The following TBC1D13 variants were observed in gnomAD, a reference collection of about 807,000 sequenced individuals.
The protein encoded by TBC1D13 is TBC1 domain family member 13, also known as epididymis secretory sperm binding protein.
Under a neutral mutation model 53.6 loss-of-function variants are expected in TBC1D13, and 40 were observed. The ratio of observed to expected loss-of-function variants is 0.75; its 90% CI spans 0.58 to 0.97. The LOEUF (loss-of-function observed/expected upper bound fraction) is 0.97. TBC1D13 is among the 50% of genes least tolerant of loss of function. TBC1D13 has a pLI of 0.00. For missense variants in TBC1D13, 377 were observed against 499.4 expected (o/e 0.75, Z 2.34); for synonymous variants, 182 against 197.7 (o/e 0.92, Z 0.67).
intron 11 of TBC1D13, among the ~76,000 whole-genome samples, chr9:128,807,584 C>T (rs1313120158): frequency 2.0e-5 from 3 of 152,164 alleles, no homozygotes; most frequent in Non-Finnish European, 4.4e-5. Context: ...AGGAAAGGGC[C>T]GCAAGAGCCT....
intron 9 of TBC1D13, among the ~76,000 whole-genome samples, chr9:128,804,644 C>T (rs1199159998): frequency 3.3e-5 from 5 of 150,694 alleles, no homozygotes; most frequent in Non-Finnish European, 7.4e-5. Flanking sequence ...CTCCTGACCT[C>T]GTAATCCACC....
chr9:128,797,764 C>T (rs1348926275), intron 7 of TBC1D13, among the ~76,000 whole-genome samples: 2 of 152,166 alleles, frequency 1.3e-5, no homozygotes, highest in Admixed American at 6.5e-5. Context: ...CATCACACTA[C>T]TGCCCTCCAG....
intron 7 of TBC1D13, among the ~76,000 whole-genome samples, chr9:128,799,043 G>A (rs1195052556): frequency 6.6e-6 from 1 of 152,158 alleles, no homozygotes; most frequent in African/African-American, 2.4e-5. Context: ...GCTCTGACAG[G>A]CAGGGGCAGA....
intron 7 of TBC1D13, among the ~76,000 whole-genome samples, chr9:128,798,056 T>C (rs905034115): frequency 2.6e-5 from 4 of 151,348 alleles, no homozygotes; most frequent in African/African-American, 9.7e-5. Context: ...AGTTCAAGAC[T>C]AGCCTGGCCA....
chr9:128,801,456 G>A (rs1000713701), intron 7 of TBC1D13, among the ~76,000 whole-genome samples: 1 of 152,006 alleles, frequency 6.6e-6, no homozygotes, highest in Non-Finnish European at 1.5e-5. Context: ...GAGGCGGGCG[G>A]ATCACGAGGC....
intron 6 of TBC1D13, among the ~76,000 whole-genome samples, chr9:128,795,514 G>A (rs1829614488): frequency 8.9e-6 from 1 of 112,928 alleles, no homozygotes; most frequent in African/African-American, 3.5e-5. Flanking sequence ...AGGCTGGAGT[G>A]CGGTGGCACG....
chr9:128,795,374 G>C (rs1246104233), intron 6 of TBC1D13, among the ~76,000 whole-genome samples: 1 of 147,146 alleles, frequency 6.8e-6, no homozygotes, highest in Non-Finnish European at 1.5e-5. Flanking sequence ...CACCACACCT[G>C]GCTAATTTTT....
In TBC1D13 at chr9:128,792,782, G is replaced by C. The variant is rs373498642; in HGVS notation, c.383+208G>C. Among the ~76,000 whole-genome samples the C allele has an allele frequency of 4.1e-3, 620 of 152,272 alleles. 9 individuals are homozygous for C. The highest frequency in any genetic ancestry group is 0.014 in the African/African-American group (582 of 41,556). ...ATTCTGTGCTTGCATGTACCTGGCTGTTCTTATCTGAGCTGTAGTTTCATT... is the reference window on the plus strand; with the variant it reads ...ATTCTGTGCTTGCATGTACCTGGCTCTTCTTATCTGAGCTGTAGTTTCATT... On this transcript the variant is annotated intron_variant, in intron 6 of 11. Transcript: ENST00000372648.
chr9:128,791,458 G>A lies in TBC1D13; in HGVS notation c.200+17G>A. On this transcript the variant is annotated intron_variant, in intron 4 of 11. Coordinates refer to ENST00000372648, the MANE Select transcript of TBC1D13 (RefSeq NM_018201.5). Reference sequence around the variant, plus strand: ...CAAGCAGAGGTGAGACCCCGTGTAAGGGCAGTGACAGGAGGGCCCTTGCAT... The same window carrying A: ...CAAGCAGAGGTGAGACCCCGTGTAAAGGCAGTGACAGGAGGGCCCTTGCAT... 6.2e-7 allele frequency: 1 copy of A among 1,614,008 alleles called. No individual in the cohort carries two copies.
Position 128,808,163 on chromosome 9 carries a change from G to T in TBC1D13, c.*284G>T. 1 of 433,562 alleles carries T rather than the reference G, an allele frequency of 2.3e-6. No homozygotes were observed. The highest frequency in any genetic ancestry group is 4.3e-6 in the Non-Finnish European group (1 of 232,946). 26.9% of individuals were successfully genotyped at this position (433,562 alleles called of 1,614,324 possible). ...CCAGGGCCGTTTCTGGCACTGGGAG[G>T]CTGGCAGGGGCCCCTCCCTGCCTCG... On this transcript the variant is annotated 3_prime_UTR_variant, in exon 12 of 12. Coordinates refer to ENST00000372648, the MANE Select transcript of TBC1D13 (RefSeq NM_018201.5).
intron 7 of TBC1D13, among the ~76,000 whole-genome samples, chr9:128,801,672 C>CT (rs1176482519): frequency 6.6e-6 from 1 of 152,036 alleles, no homozygotes; most frequent in Admixed American, 6.6e-5. Context: ...GAGCAAGACT[C>CT]TGTCTCAGGG....
chr9:128,794,908 C>T (rs940103519), intron 6 of TBC1D13, among the ~76,000 whole-genome samples: 2 of 151,722 alleles, frequency 1.3e-5, no homozygotes, highest in South Asian at 2.1e-4. Flanking sequence ...ACATTCTAGA[C>T]ACCATCTCCC....
In TBC1D13 at chr9:128,806,373, C is replaced by T. The variant is rs1207497253; in HGVS notation, c.1137+62C>T. Reference sequence around the variant, plus strand: ...GAGGCTGGCACTCGCCAGGCACCTGCCCACGCCAGCTGCTGCGACAGGCTG... The same window carrying T: ...GAGGCTGGCACTCGCCAGGCACCTGTCCACGCCAGCTGCTGCGACAGGCTG... On this transcript the variant is annotated intron_variant, in intron 11 of 11. Transcript: ENST00000372648. The T allele has an allele frequency of 4.4e-6, 7 of 1,589,286 alleles. No homozygotes were observed. In the African/African-American group the frequency reaches 9.4e-5, roughly 21 times the overall value.
chr9:128,796,763 C>T (rs531218845), intron 6 of TBC1D13, among the ~76,000 whole-genome samples: 4 of 151,952 alleles, frequency 2.6e-5, no homozygotes, highest in East Asian at 4.0e-4. Context: ...CATGGTGAAA[C>T]TCCATCTCTA....
Position 128,806,317 on chromosome 9 carries a change from G to A in TBC1D13, c.1137+6G>A. The stretch of plus-strand genomic sequence containing the variant: ...TGAATATGCGGCTGCTGCAGGTAAT[G>A]GGAGTTGGGGGCAGGCTCAGCCACT... On this transcript the variant is annotated splice_donor_region_variant and intron_variant, in intron 11 of 11. Transcript: ENST00000372648. 1.9e-6 allele frequency: 3 copies of A among 1,614,070 alleles called. No individual in the cohort carries two copies. Among genetic ancestry groups the A allele is most frequent in the African/African-American group, 1.3e-5 (1 of 75,068 alleles).
chr9:128,791,641 T>C lies in TBC1D13; in HGVS notation c.248T>C (p.Ile83Thr). Reference protein sequence around the residue: ...FLREMIIQPGIAKANMGVSRE... With the variant: ...FLREMIIQPGTAKANMGVSRE... Reference sequence around the variant, plus strand: ...AGGGAAATGATCATCCAGCCTGGCATTGCCAAGGCCAACATGGGTGTGTCC... The same window carrying C: ...AGGGAAATGATCATCCAGCCTGGCACTGCCAAGGCCAACATGGGTGTGTCC... The change falls in exon 5 of 12, where the codon ATT (isoleucine) becomes ACT (threonine). Residue 83 changes from isoleucine to threonine, a missense_variant. Coordinates refer to ENST00000372648, the MANE Select transcript of TBC1D13 (RefSeq NM_018201.5). The C allele has an allele frequency of 2.5e-6, 4 of 1,614,248 alleles. No individual in the cohort carries two copies. Among genetic ancestry groups the C allele is most frequent in the East Asian group, 2.2e-5 (1 of 44,884 alleles).
At chr9:128,791,234 A>T in intron 3 of TBC1D13, 146 bp from the exon 4 acceptor site, 1 of 767,410 alleles carries the variant, frequency 1.3e-6, no homozygotes, top group South Asian at 1.6e-5. Flanking sequence ...GGCTACCCCT[A>T]GCTCATGCTG....
intron 5 of TBC1D13, 31 bp from the exon 6 acceptor site, chr9:128,792,461 T>C: frequency 6.2e-7 from 1 of 1,611,070 alleles, no homozygotes; most frequent in East Asian, 2.2e-5. Flanking sequence ...TAGCTGGGCC[T>C]TGGACAGAGC....
At chr9:128,806,670 C>T (rs567329166) in intron 11 of TBC1D13, among the ~76,000 whole-genome samples, 6 of 152,052 alleles carry the variant, frequency 3.9e-5, no homozygotes, top group South Asian at 2.1e-4. Context: ...TCACCGGGCG[C>T]GGTGGCTCAT....
Sources: gnomAD v4.1 joint callset for allele counts (sites outside exome capture counted in the v4.1 genomes callset) on GRCh38, gnomAD v4.1.1 for gene constraint, MANE v1.5 for transcripts, NCBI Gene and HGNC (gene_info 2026-07-23, HGNC 2026-07-21) for gene names.